Variants in ARHGEF17 observed in about 807,000 individuals in gnomAD.
The protein encoded by ARHGEF17 is Rho guanine nucleotide exchange factor 17, also known as 164 kDa Rho-specific guanine-nucleotide exchange factor.
Under a neutral mutation model 174.0 loss-of-function variants are expected in ARHGEF17, and 80 were observed. The observed-to-expected ratio is 0.46, with a 90% CI of 0.38 to 0.55. The LOEUF (loss-of-function observed/expected upper bound fraction) is 0.55. Among genes scored for constraint, ARHGEF17 ranks in the 20% least tolerant of loss-of-function variants. The probability of loss-of-function intolerance (pLI) is 0.00; values close to 1 mark genes in which losing one functional copy is unlikely to be tolerated. For missense variants in ARHGEF17, 2,886 were observed against 2,839.7 expected, an observed-to-expected ratio of 1.02 and a Z score of -0.37; for synonymous variants, 1,311 against 1,189.1, an observed-to-expected ratio of 1.10 and a Z score of -2.11.
chr11:73,311,362 G>A lies in ARHGEF17; in HGVS notation c.2724G>A (p.Lys908=), dbSNP rs769672128. ...TAHRNFHLDP[K]LADILSPRLI... is the part of the protein sequence containing the mutation. ...ACCGAAACTTTCACCTTGACCCCAA[G>A]CTGGCTGACATTCTGTCCCCGAGGC... Residue 908 remains lysine (K), a synonymous_variant, in exon 1 of 21, where the codon AAG becomes AAA. Transcript: ENST00000263674. 3 of 1,613,322 alleles carry A rather than the reference G, an allele frequency of 1.9e-6. No homozygotes were observed.
intron 20 of ARHGEF17, 143 bp downstream of exon 20, chr11:73,366,090 C>T (rs1368207144): frequency 7.2e-6 from 8 of 1,111,550 alleles, no homozygotes; most frequent in African/African-American, 3.1e-5. Context: ...AAATACACCA[C>T]GGAAGTGTCC....
intron 1 of ARHGEF17, among the ~76,000 whole-genome samples, chr11:73,312,727 TG>T (rs1273616163): frequency 2.0e-5 from 3 of 151,870 alleles, no homozygotes; most frequent in Non-Finnish European, 4.4e-5. Flanking sequence ...TCTATGGGTC[TG>T]GGGGGTCGGT....
intron 1 of ARHGEF17, among the ~76,000 whole-genome samples, chr11:73,324,060 AC>A (rs984919797): frequency 2.6e-5 from 4 of 151,886 alleles, no homozygotes; most frequent in Non-Finnish European, 4.4e-5. Flanking sequence ...CCAGACAGAG[AC>A]CCCTGGCCAG....
intron 1 of ARHGEF17, among the ~76,000 whole-genome samples, chr11:73,313,642 A>G (rs920777328): frequency 6.6e-6 from 1 of 152,096 alleles, no homozygotes; most frequent in Admixed American, 6.5e-5. Context: ...GCCTTCTCTG[A>G]TCTCCAAGCT....
rs1427486648 is a variant in ARHGEF17 at position 73,367,543 on chromosome 11, C to T, written c.5996-41C>T. ...GGCCCCGATGGGACAGTGAAGCCTCCATTCGCCCCCAAGCTGACAGATCCT... is the reference window on the plus strand; with the variant it reads ...GGCCCCGATGGGACAGTGAAGCCTCTATTCGCCCCCAAGCTGACAGATCCT... On this transcript the variant is annotated intron_variant, in intron 20 of 20. Coordinates refer to ENST00000263674, the MANE Select transcript of ARHGEF17 (RefSeq NM_014786.4). 1.9e-6 allele frequency: 3 copies of T among 1,547,948 alleles called. No individual in the cohort carries two copies. The East Asian group carries it at 6.8e-5, about 35-fold the overall frequency.
intron 2 of ARHGEF17, among the ~76,000 whole-genome samples, chr11:73,348,429 G>A (rs1215745886): frequency 6.6e-6 from 1 of 152,188 alleles, no homozygotes; most frequent in African/African-American, 2.4e-5. Context: ...ACACAACAGG[G>A]ATACGCCTTA....
chr11:73,359,459 GC>G (rs2134419851), intron 9 of ARHGEF17, among the ~76,000 whole-genome samples: 1 of 152,356 alleles, frequency 6.6e-6, no homozygotes, highest in South Asian at 2.1e-4. Flanking sequence ...ACATTTGACT[GC>G]CTGGGGCTCT....
At chr11:73,314,491 C>T (rs757203443) in intron 1 of ARHGEF17, among the ~76,000 whole-genome samples, 2 of 152,192 alleles carry the variant, frequency 1.3e-5, no homozygotes, top group Non-Finnish European at 2.9e-5. Context: ...TCAGTTTTCC[C>T]ATCTGTACAG....
rs1172828735 is a variant in ARHGEF17 at position 73,310,894 on chromosome 11, G to A, written c.2256G>A (p.Gly752=). 1.2e-6 allele frequency: 2 copies of A among 1,613,290 alleles called. No individual in the cohort carries two copies. The highest frequency in any genetic ancestry group is 3.3e-5 in the Admixed American group (2 of 60,006). Reference sequence around the variant, plus strand: ...CTGCCACCTCTGAAGAGCCTACTGGGTTCTCTGTGGACAGCAACCTCCTGG... The same window carrying A: ...CTGCCACCTCTGAAGAGCCTACTGGATTCTCTGTGGACAGCAACCTCCTGG... The part of the protein sequence containing the change: ...HRAATSEEPT[G]FSVDSNLLGS... Residue 752 remains glycine (G), a synonymous_variant, in exon 1 of 21, where the codon GGG becomes GGA. Coordinates refer to ENST00000263674, the MANE Select transcript of ARHGEF17 (RefSeq NM_014786.4).
At position 73,365,468 on chromosome 11, in the gene ARHGEF17, T is replaced by C. The variant is rs1359358257; in HGVS notation, c.5629T>C (p.Leu1877=). The change falls in exon 19 of 21, where the codon TTG becomes CTG. Residue 1877 remains leucine, a synonymous_variant. Coordinates refer to ENST00000263674, the MANE Select transcript of ARHGEF17 (RefSeq NM_014786.4). The surrounding 1 kb of genome is among the most constrained non-coding windows in gnomAD (Gnocchi z 4.9). ...VDSSLGVWVT[L]KGSAHVCLYH... ...CTCCAGCCTGGGTGTGTGGGTGACA[T>C]TGAAAGGTAGTGCCCACGTGTGTCT... The C allele has an allele frequency of 3.7e-6, 6 of 1,614,024 alleles. No individual in the cohort carries two copies. Among genetic ancestry groups the C allele is most frequent in the Non-Finnish European group, 4.2e-6 (5 of 1,180,028 alleles).
intron 1 of ARHGEF17, among the ~76,000 whole-genome samples, chr11:73,334,729 T>G (rs1376234106): frequency 6.6e-6 from 1 of 151,940 alleles, no homozygotes; most frequent in Non-Finnish European, 1.5e-5. Context: ...GGACACCCCA[T>G]CCCACCGACA....
At chr11:73,329,673 T>C (rs1865173331) in intron 1 of ARHGEF17, among the ~76,000 whole-genome samples, 1 of 152,098 alleles carries the variant, frequency 6.6e-6, no homozygotes, top group Non-Finnish European at 1.5e-5. Context: ...GTGCTGGGAT[T>C]ACAGGCGTGA....
At chr11:73,327,194 C>T (rs1259518648) in intron 1 of ARHGEF17, among the ~76,000 whole-genome samples, 1 of 152,112 alleles carries the variant, frequency 6.6e-6, no homozygotes, top group Middle Eastern at 3.2e-3. Flanking sequence ...GAAAATCCTG[C>T]CTGCCCCCTG....
At chr11:73,350,573 TAA>T (rs1865537532) in intron 2 of ARHGEF17, among the ~76,000 whole-genome samples, 1 of 152,190 alleles carries the variant, frequency 6.6e-6, no homozygotes, top group African/African-American at 2.4e-5. Context: ...CACTAATTGA[TAA>T]GTGTTGTTCC....
chr11:73,364,400 G>A (rs938566064), intron 17 of ARHGEF17, 52 bp from the exon 18 acceptor site: 83 of 1,611,880 alleles, frequency 5.1e-5, no homozygotes, highest in Non-Finnish European at 6.9e-5. Flanking sequence ...GGGAGACCGA[G>A]GCTCAAATTT....
In ARHGEF17 at chr11:73,365,707, G is replaced by C; in HGVS notation, c.5755G>C (p.Ala1919Pro). 6.2e-7 allele frequency: 1 copy of C among 1,613,474 alleles called. No homozygotes were observed. Among genetic ancestry groups the C allele is most frequent in the Non-Finnish European group, 8.5e-7 (1 of 1,179,924 alleles). Reference sequence around the variant, plus strand: ...GGATGCCATCATCCGGCAGCACAAGGCTGCCTGTCTGCGAATCACAGCGCT... The same window carrying C: ...GGATGCCATCATCCGGCAGCACAAGCCTGCCTGTCTGCGAATCACAGCGCT... ...GSDAIIRQHK[A>P]ACLRITALLV... The change falls in exon 20 of 21, where the codon GCT becomes CCT. Residue 1919 changes from alanine (A) to proline (P), a missense_variant. By Grantham distance (27) the Ala-to-Pro change is conservative. Around this residue, in one of 4 missense-constraint regions of ARHGEF17, gnomAD observed 329 missense variants for 435.2 expected, o/e 0.76. Transcript: ENST00000263674. The surrounding 1 kb of genome is among the most constrained non-coding windows in gnomAD (Gnocchi z 4.9).
chr11:73,347,160 G>T (rs1228042166), intron 2 of ARHGEF17, 200 bp downstream of exon 2: 2 of 698,402 alleles, frequency 2.9e-6, no homozygotes, highest in Admixed American at 4.1e-5. Context: ...AAGAGAGAAT[G>T]CAGAGGGGCC....
rs763495441 is a variant in ARHGEF17, at chr11:73,309,951, G to A, written c.1313G>A (p.Gly438Glu). 8 of 1,613,724 alleles carry A rather than the reference G, an allele frequency of 5.0e-6. No homozygotes were observed. The East Asian group carries it at 1.6e-4, about 31-fold the overall frequency. ...TCCCAGGCTCGAACCCGTGCCAAAG[G>A]ACCTGGAGGCACCTCTAGGGCATTG... ...LRSQARTRAK[G>E]PGGTSRALRD... Residue 438 changes from glycine (G) to glutamate (E), a missense_variant, in exon 1 of 21, where the codon GGA becomes GAA. By Grantham distance (98) the Gly-to-Glu change is moderately conservative. Transcript: ENST00000263674.
intron 3 of ARHGEF17, among the ~76,000 whole-genome samples, chr11:73,353,626 G>A (rs1000875033): frequency 1.3e-5 from 2 of 152,102 alleles, no homozygotes; most frequent in Admixed American, 6.5e-5. Context: ...TTACAGTTAG[G>A]AAGTGGTGGA....
Sources: allele counts gnomAD v4.1 joint callset (sites outside exome capture counted in the v4.1 genomes callset), GRCh38; gene constraint gnomAD v4.1.1; regional missense constraint gnomAD v4.1.1; non-coding constraint Gnocchi (gnomAD v3.1); transcripts MANE v1.5; gene names NCBI Gene and HGNC (gene_info 2026-07-23, HGNC 2026-07-21).